RANBP2: variants seen among roughly 807,000 people sequenced by gnomAD.
RANBP2 encodes RAN binding protein 2.
Under a neutral mutation model 303.6 loss-of-function variants are expected in RANBP2, and 57 were observed. The ratio of observed to expected loss-of-function variants is 0.19; its 90% confidence interval spans 0.15 to 0.23. RANBP2 has a LOEUF of 0.23. Ranked by LOEUF, RANBP2 falls within the 10% of genes least tolerant of loss-of-function variation. RANBP2 has a pLI of 1.00. For synonymous variants in RANBP2, 1,167 were observed against 1,301.5 expected (o/e 0.90, Z 2.23); for missense variants, 3,138 against 3,780.8 (o/e 0.83, Z 4.46).
the RANBP2 span, among the ~76,000 whole-genome samples, chr2:109,357,547 C>G: frequency 6.6e-6 from 1 of 152,200 alleles, no homozygotes; most frequent in Non-Finnish European, 1.5e-5. Flanking sequence ...CTGACAGTTA[C>G]CAGCCCGCCC....
the RANBP2 span, among the ~76,000 whole-genome samples, chr2:109,029,259 C>T: frequency 6.6e-6 from 1 of 152,226 alleles, no homozygotes; most frequent in Admixed American, 6.5e-5. Context: ...CTCCCCATCC[C>T]AGCCCCCATT....
At chr2:109,614,512 G>GC in the RANBP2 span, 2 of 1,260,170 alleles carry the variant, frequency 1.6e-6, no homozygotes, top group Non-Finnish European at 2.0e-6. Context: ...GCAGAGTGGG[G>GC]CCCCGAGGCG....
chr2:109,615,392 C>G, the RANBP2 span: 1 of 1,613,040 alleles, frequency 6.2e-7, no homozygotes, highest in African/African-American at 1.3e-5. Context: ...ACTTCATTAC[C>G]GGCTTCACTT....
At chr2:109,799,261 G>C in the RANBP2 span, among the ~76,000 whole-genome samples, 19 of 136,850 alleles carry the variant, frequency 1.4e-4, no homozygotes, top group East Asian at 3.3e-3. Context: ...AAAAAGGAAG[G>C]GGGGAACAGG....
At chr2:109,580,630 G>C in the RANBP2 span, among the ~76,000 whole-genome samples, 2 of 152,014 alleles carry the variant, frequency 1.3e-5, no homozygotes, top group Admixed American at 6.6e-5. Flanking sequence ...AACAATGAAA[G>C]AAAGAAAAAT....
chr2:109,126,590 G>C, the RANBP2 span, among the ~76,000 whole-genome samples: 2 of 152,162 alleles, frequency 1.3e-5, no homozygotes, highest in South Asian at 2.1e-4. Flanking sequence ...TGGAAGAAAG[G>C]CTCATGAAGA....
chr2:109,600,287 C>A, the RANBP2 span, among the ~76,000 whole-genome samples: 1 of 152,136 alleles, frequency 6.6e-6, no homozygotes, highest in Non-Finnish European at 1.5e-5. Context: ...TTTCTTCCCT[C>A]TTCAACTTTC....
chr2:109,448,698 A>G, the RANBP2 span, among the ~76,000 whole-genome samples: 5 of 152,214 alleles, frequency 3.3e-5, no homozygotes, highest in Non-Finnish European at 5.9e-5. Context: ...TTATTTCACT[A>G]TATATTACAA....
the RANBP2 span, among the ~76,000 whole-genome samples, chr2:109,386,409 A>G: frequency 6.6e-6 from 1 of 152,148 alleles, no homozygotes; most frequent in African/African-American, 2.4e-5. Context: ...GACTGTTACA[A>G]GAAGTTTAAA....
chr2:109,356,961 C>A, the RANBP2 span, among the ~76,000 whole-genome samples: 4 of 152,208 alleles, frequency 2.6e-5, no homozygotes, highest in Non-Finnish European at 5.9e-5. Context: ...TGGTCCACTT[C>A]TGCAGCACAG....
chr2:109,424,070 G>A, the RANBP2 span, among the ~76,000 whole-genome samples: 1 of 152,210 alleles, frequency 6.6e-6, no homozygotes, highest in Non-Finnish European at 1.5e-5. Flanking sequence ...CATCCCCACC[G>A]GTACCGGCAT....
the RANBP2 span, among the ~76,000 whole-genome samples, chr2:108,978,820 T>C: frequency 2.0e-5 from 3 of 152,102 alleles, no homozygotes; most frequent in Non-Finnish European, 4.4e-5. Context: ...AGGGCACCAA[T>C]GAAGTTGTTA....
chr2:109,419,517 G>A, the RANBP2 span: 2 of 1,573,346 alleles, frequency 1.3e-6, no homozygotes. Flanking sequence ...CCTCACTCCT[G>A]TCCCCTCTTG....
chr2:109,719,780 A>G, the RANBP2 span, among the ~76,000 whole-genome samples: 2 of 152,176 alleles, frequency 1.3e-5, no homozygotes, highest in African/African-American at 2.4e-5. Flanking sequence ...TTAGATCAAC[A>G]AGGGGTCTGC....
chr2:109,646,909 T>A, the RANBP2 span, among the ~76,000 whole-genome samples: 1 of 152,156 alleles, frequency 6.6e-6, no homozygotes, highest in Admixed American at 6.5e-5. Context: ...GCAAAATGTT[T>A]ACATTGAAAA....
At chr2:109,132,538 G>A in the RANBP2 span, among the ~76,000 whole-genome samples, 544 of 152,246 alleles carry the variant, frequency 3.6e-3, 1 homozygote, top group Non-Finnish European at 6.0e-3. Context: ...GTCAGTTAAC[G>A]ATGCTGCCCC....
chr2:108,830,533 G>A, the RANBP2 span, among the ~76,000 whole-genome samples: 1 of 152,224 alleles, frequency 6.6e-6, no homozygotes, highest in African/African-American at 2.4e-5. Context: ...AGAAACCAAA[G>A]GCATGGCTCA....
the RANBP2 span, among the ~76,000 whole-genome samples, chr2:109,660,275 T>C: frequency 1.3e-5 from 2 of 152,188 alleles, no homozygotes; most frequent in Non-Finnish European, 1.5e-5. Context: ...CCAATCAGGC[T>C]GATTGTAGGC....
At chr2:109,170,215 CTTTTTTCTCTTCTCTTCTCT>C in the RANBP2 span, among the ~76,000 whole-genome samples, 2 of 150,916 alleles carry the variant, frequency 1.3e-5, no homozygotes, top group Admixed American at 1.3e-4. Flanking sequence ...CTTTCTCTCT[CTTTTTTCTCTTCTCTTCTCT>C]TCTTTTCTTT....
Sources: allele counts gnomAD v4.1 joint callset (sites outside exome capture counted in the v4.1 genomes callset), GRCh38; gene constraint gnomAD v4.1.1; transcripts MANE v1.5; gene names NCBI Gene and HGNC (gene_info 2026-07-23, HGNC 2026-07-21).